GBF1: variants seen among roughly 807,000 people sequenced by gnomAD.
GBF1 encodes the protein golgi brefeldin A resistant guanine nucleotide exchange factor 1, also known as Golgi-specific brefeldin A-resistance guanine nucleotide exchange factor 1.
GBF1 carries 114 observed loss-of-function variants against 210.5 expected under a neutral mutation model. The ratio of observed to expected loss-of-function variants is 0.54; its 90% confidence interval spans 0.47 to 0.63. The LOEUF (loss-of-function observed/expected upper bound fraction) is 0.63. Ranked by LOEUF, GBF1 falls within the 30% of genes least tolerant of loss-of-function variation. The pLI is 0.00. For missense variants in GBF1, 1,851 were observed against 2,357.7 expected (o/e 0.79, Z 4.45); for synonymous variants, 850 against 889.2 (o/e 0.96, Z 0.78).
At position 102,379,964 on chromosome 10, in the gene GBF1, A is replaced by C; in HGVS notation, c.4878+10A>C. 6.6e-7 allele frequency: 1 copy of C among 1,516,602 alleles called. No individual in the cohort carries two copies. Among genetic ancestry groups the C allele is most frequent in the South Asian group, 1.1e-5 (1 of 87,996 alleles). The allele number at this position is 1,516,602 out of a possible 1,614,324, so 93.9% of individuals were successfully genotyped here. On this transcript the variant is annotated intron_variant, in intron 36 of 39. Coordinates refer to ENST00000369983, the MANE Select transcript of GBF1 (RefSeq NM_001377137.1). ...CACATTGCTCTCTAAGGTACTGCTC[A>C]CCACCCTATACCCACCCTCTCTCCC... is the stretch of plus-strand genomic sequence containing the variant.
chr10:102,318,435 C>T (rs2056046481), intron 3 of GBF1, among the ~76,000 whole-genome samples: 1 of 151,772 alleles, frequency 6.6e-6, no homozygotes, highest in Non-Finnish European at 1.5e-5. Flanking sequence ...AAGCGATCCA[C>T]CTACCTTGGC....
rs1354390586 is a variant in GBF1, at chr10:102,362,517, C to T, written c.1729C>T (p.Leu577=). The change falls in exon 15 of 40, where the codon CTA becomes TTA. Residue 577 remains leucine (L), a synonymous_variant. Coordinates refer to ENST00000369983, the MANE Select transcript of GBF1 (RefSeq NM_001377137.1). ...TGGTCAACTCTATACAACACACCTA[C>T]TATCTCTTGATGCCCTATTGACAGT... ...VSGQLYTTHL[L]SLDALLTVID... is the part of the protein sequence containing the mutation. The T allele has an allele frequency of 1.2e-6, 2 of 1,613,956 alleles. No homozygotes were observed. Among genetic ancestry groups the T allele is most frequent in the South Asian group, 1.1e-5 (1 of 91,078 alleles).
intron 3 of GBF1, among the ~76,000 whole-genome samples, chr10:102,279,958 A>ATT (rs140829227): frequency 6.6e-6 from 1 of 151,502 alleles, no homozygotes. Context: ...TCTCTACTAA[A>ATT]TTTTTTTTTG....
chr10:102,260,882 T>C (rs2073115616), intron 3 of GBF1, among the ~76,000 whole-genome samples: 1 of 152,168 alleles, frequency 6.6e-6, no homozygotes. Context: ...GATCTTTCAG[T>C]CTTCATGTGT....
the GBF1 span, among the ~76,000 whole-genome samples, chr10:102,236,819 A>T: frequency 0.67 from 102,391 of 152,044 alleles, 35,135 homozygotes; most frequent in African/African-American, 0.81. Context: ...AACCTTTCTC[A>T]TTCAGGGGCT....
At chr10:102,269,378 C>T (rs960647524) in intron 3 of GBF1, among the ~76,000 whole-genome samples, 2 of 152,142 alleles carry the variant, frequency 1.3e-5, no homozygotes, top group Admixed American at 6.5e-5. Context: ...AAGGCAGGGC[C>T]AGATGTAGTG....
rs1410577191 is a variant in GBF1, at chr10:102,353,647, TGAA to T, written c.637_639del (p.Lys213del). 1.2e-6 allele frequency: 2 copies of T among 1,608,636 alleles called. No individual in the cohort carries two copies. The highest frequency in any genetic ancestry group is 1.7e-6 in the Non-Finnish European group (2 of 1,175,074). On this transcript the variant is annotated inframe_deletion, in exon 8 of 40. Coordinates refer to ENST00000369983, the MANE Select transcript of GBF1 (RefSeq NM_001377137.1). The stretch of plus-strand genomic sequence containing the variant: ...CCCAAGAACTATGTGGGGACCAACA[TGAA>T]GAAGGTATGATCTGAGAGCTGATCT...
chr10:102,305,635 G>A (rs954095634), intron 3 of GBF1, among the ~76,000 whole-genome samples: 1 of 151,914 alleles, frequency 6.6e-6, no homozygotes, highest in East Asian at 1.9e-4. Flanking sequence ...AAAGAAATTG[G>A]AGTCCTTTCA....
rs766034363 is a variant in GBF1, at chr10:102,344,112, A to G, written c.225A>G (p.Glu75=). ...CTTTTCTGGAAGTGATTCGCTCTGA[A>G]GATACCACTGGCCCTATCACTGGAC... is the stretch of plus-strand genomic sequence containing the variant. ...LRPFLEVIRS[E]DTTGPITGLA... is the part of the protein sequence containing the mutation. Residue 75 remains glutamate (E), a synonymous_variant, in exon 4 of 40, where the codon GAA becomes GAG. Transcript: ENST00000369983. 1.2e-6 allele frequency: 2 copies of G among 1,611,938 alleles called. No individual in the cohort carries two copies. Among genetic ancestry groups the G allele is most frequent in the Non-Finnish European group, 1.7e-6 (2 of 1,178,090 alleles).
At chr10:102,338,482 G>T (rs998876063) in intron 3 of GBF1, among the ~76,000 whole-genome samples, 1 of 151,778 alleles carries the variant, frequency 6.6e-6, no homozygotes, top group Non-Finnish European at 1.5e-5. Context: ...GACCTCAAGT[G>T]ATCCACTCAC....
intron 3 of GBF1, among the ~76,000 whole-genome samples, chr10:102,267,602 AG>A (rs1178626442): frequency 6.6e-6 from 1 of 152,196 alleles, no homozygotes; most frequent in Non-Finnish European, 1.5e-5. Context: ...TTTTTCCTAC[AG>A]GGGTCTATAG....
intron 21 of GBF1, 112 bp downstream of exon 21, chr10:102,367,672 A>G: frequency 1.4e-6 from 1 of 740,138 alleles, no homozygotes; most frequent in Non-Finnish European, 2.4e-6. Context: ...CCCTGGATTT[A>G]GCCTCAGGAC....
At position 102,351,847 on chromosome 10, in the gene GBF1, T is replaced by C; in HGVS notation, c.419T>C (p.Leu140Pro). Residue 140 changes from leucine to proline, a missense_variant, in exon 6 of 40, where the codon CTA (leucine) becomes CCA (proline). By Grantham distance (98) the Leu-to-Pro change is moderately conservative (BLOSUM62 -3). Coordinates refer to ENST00000369983, the MANE Select transcript of GBF1 (RefSeq NM_001377137.1). Reference sequence around the variant, plus strand: ...ATTCCTTTTTCTTCCTGATAGGTTCTACGGACTCTGCTGCTAACCCCAGTG... The same window carrying C: ...ATTCCTTTTTCTTCCTGATAGGTTCCACGGACTCTGCTGCTAACCCCAGTG... ...EVVLMKILQV[L>P]RTLLLTPVGA... The C allele has an allele frequency of 6.4e-7, 1 of 1,568,818 alleles. No homozygotes were observed.
intron 24 of GBF1, 116 bp downstream of exon 24, chr10:102,369,503 G>C: frequency 1.1e-6 from 1 of 907,560 alleles, no homozygotes; most frequent in Non-Finnish European, 1.7e-6. Flanking sequence ...GCCTGCCACA[G>C]CTCACCAGGA....
At chr10:102,380,463 C>G (rs759795637) in intron 37 of GBF1, 43 bp from the exon 38 acceptor site, 2 of 1,597,794 alleles carry the variant, frequency 1.3e-6, no homozygotes, top group South Asian at 1.1e-5. Context: ...ATACTCCCCC[C>G]ATGCCCTCTT....
At chr10:102,298,774 T>C (rs1455483813) in intron 3 of GBF1, among the ~76,000 whole-genome samples, 1 of 152,168 alleles carries the variant, frequency 6.6e-6, no homozygotes, top group African/African-American at 2.4e-5. Context: ...GTCACAGAAG[T>C]GGGACTGTAA....
At chr10:102,344,566 C>A (rs1240683245) in intron 4 of GBF1, among the ~76,000 whole-genome samples, 1 of 151,166 alleles carries the variant, frequency 6.6e-6, no homozygotes, top group Non-Finnish European at 1.5e-5. Flanking sequence ...CTGCAAGCTC[C>A]ACCTCCCGGG....
chr10:102,240,438 G>A, upstream of GBF1, among the ~76,000 whole-genome samples: 1 of 152,222 alleles, frequency 6.6e-6, no homozygotes, highest in East Asian at 1.9e-4. Flanking sequence ...TCACAGCTTC[G>A]CAGCCCGAAG....
chr10:102,266,220 C>T (rs1038281434), intron 3 of GBF1, among the ~76,000 whole-genome samples: 1 of 151,814 alleles, frequency 6.6e-6, no homozygotes, highest in Admixed American at 6.6e-5. Context: ...GCCTGGGTGA[C>T]AGAGCGATAC....
Sources: gnomAD v4.1 joint callset for allele counts (sites outside exome capture counted in the v4.1 genomes callset) on GRCh38, gnomAD v4.1.1 for gene constraint, MANE v1.5 for transcripts, NCBI Gene and HGNC (gene_info 2026-07-23, HGNC 2026-07-21) for gene names.